Variants in DMD observed in about 807,000 individuals in gnomAD.
DMD encodes mutant dystrophin.
A neutral mutation model predicts 330.1 loss-of-function variants in DMD; 63 were observed. That is an observed-to-expected ratio of 0.19 (90% CI 0.16 to 0.24). DMD has a LOEUF of 0.24. Ranked by LOEUF, DMD falls within the 10% of genes least tolerant of loss-of-function variation. DMD has a pLI of 1.00. For synonymous variants in DMD, 1,223 were observed against 959.8 expected, an observed-to-expected ratio of 1.27 and a Z score of -5.07; for missense variants, 3,344 against 2,684.1, an observed-to-expected ratio of 1.25 and a Z score of -5.43.
chrX:32,531,745 C>A (rs3805065), intron 17 of DMD, among the ~76,000 whole-genome samples: 50,556 of 108,272 alleles, frequency 0.47, 9,017 homozygotes, highest in African/African-American at 0.61. Context: ...TCCAAATAAA[C>A]GAGAAACCCA....
chrX:32,738,270 T>C (rs970942585), intron 7 of DMD, among the ~76,000 whole-genome samples: 4 of 111,330 alleles, frequency 3.6e-5, no homozygotes, highest in African/African-American at 9.8e-5. Flanking sequence ...CTTGTTGCTT[T>C]TAAAATCATC....
At chrX:32,962,597 T>C (rs750037325) in intron 2 of DMD, among the ~76,000 whole-genome samples, 1 of 111,283 alleles carries the variant, frequency 9.0e-6, no homozygotes, top group Non-Finnish European at 1.9e-5. Flanking sequence ...CCAGGAGACA[T>C]GGGGTAGATT....
intron 52 of DMD, among the ~76,000 whole-genome samples, chrX:31,690,696 T>C (rs1039754764): frequency 9.8e-5 from 11 of 111,838 alleles, no homozygotes; most frequent in African/African-American, 3.3e-4. Context: ...CTATTCACAA[T>C]AGCAAAGACC....
intron 37 of DMD, among the ~76,000 whole-genome samples, chrX:32,356,526 T>G (rs757715646): frequency 1.4e-4 from 16 of 111,053 alleles, no homozygotes; most frequent in African/African-American, 5.2e-4. Flanking sequence ...TACATGAATT[T>G]TAGCAGCAAT....
upstream of DMD, among the ~76,000 whole-genome samples, chrX:33,216,087 A>C (rs2148869627): frequency 8.9e-6 from 1 of 112,326 alleles, no homozygotes; most frequent in East Asian, 2.8e-4. Context: ...GTTTGATAAG[A>C]TTAGCACTGA....
intron 49 of DMD, among the ~76,000 whole-genome samples, chrX:31,823,968 G>A (rs1254109899): frequency 8.9e-6 from 1 of 112,231 alleles, no homozygotes; most frequent in African/African-American, 3.2e-5. Flanking sequence ...GGACTAGGTT[G>A]TAACAAAGGG....
chrX:32,018,320 G>C (rs183299635), intron 44 of DMD, among the ~76,000 whole-genome samples: 1 of 111,682 alleles, frequency 9.0e-6, no homozygotes, highest in East Asian at 2.8e-4. Flanking sequence ...CTGTAAATTT[G>C]TATTAATCAT....
intron 2 of DMD, among the ~76,000 whole-genome samples, chrX:32,993,300 T>C (rs1363320088): frequency 8.9e-6 from 1 of 111,893 alleles, no homozygotes; most frequent in Non-Finnish European, 1.9e-5. Flanking sequence ...ATAACTGCCA[T>C]TAATGTAAAA....
chrX:32,063,334 C>T (rs979781698), intron 44 of DMD, among the ~76,000 whole-genome samples: 1 of 110,741 alleles, frequency 9.0e-6, no homozygotes, highest in Admixed American at 9.7e-5. Context: ...GTTTTGTCCC[C>T]CTCAACTGCT....
At chrX:31,930,845 A>C (rs2149995445) in intron 46 of DMD, among the ~76,000 whole-genome samples, 1 of 112,325 alleles carries the variant, frequency 8.9e-6, no homozygotes, top group South Asian at 3.7e-4. Context: ...GGGAAAGATA[A>C]ATTTCCAAGA....
At chrX:32,221,759 C>A (rs898508361) in intron 43 of DMD, among the ~76,000 whole-genome samples, 1 of 111,675 alleles carries the variant, frequency 9.0e-6, no homozygotes, top group Non-Finnish European at 1.9e-5. Context: ...CTCTGTCTGC[C>A]TTTGTGTACC....
intron 9 of DMD, among the ~76,000 whole-genome samples, chrX:32,677,774 A>C (rs768979581): frequency 3.8e-4 from 43 of 112,023 alleles, no homozygotes; most frequent in African/African-American, 1.4e-3. Context: ...AAAAGAGCAA[A>C]ATATCAGGAT....
intron 55 of DMD, among the ~76,000 whole-genome samples, chrX:31,575,146 G>T (rs1049187504): frequency 9.0e-6 from 1 of 111,553 alleles, no homozygotes; most frequent in Non-Finnish European, 1.9e-5. Flanking sequence ...TAATGAGGTG[G>T]ATTTGGCCAA....
intron 57 of DMD, among the ~76,000 whole-genome samples, chrX:31,479,708 T>C (rs1397152167): frequency 8.9e-6 from 1 of 112,383 alleles, no homozygotes; most frequent in Non-Finnish European, 1.9e-5. Flanking sequence ...CTATTATGGA[T>C]GTAGGAATTG....
chrX:32,239,317 CT>C (rs779496540), intron 43 of DMD, among the ~76,000 whole-genome samples: 5 of 111,709 alleles, frequency 4.5e-5, no homozygotes, highest in Non-Finnish European at 7.5e-5. Context: ...AATTTATCTT[CT>C]ACTTTTGAAC....
chrX:31,484,944 CAA>C (rs1569546608), intron 57 of DMD, among the ~76,000 whole-genome samples: 1 of 112,078 alleles, frequency 8.9e-6, no homozygotes, highest in Non-Finnish European at 1.9e-5. Flanking sequence ...TTCATCCATG[CAA>C]ATTGAGATAC....
rs768682567 is a variant in DMD at position 31,375,482 on chromosome X, CA to C, written c.9085-26849del. The stretch of plus-strand genomic sequence containing the variant: ...ATCTGTGAAAGGGAAAAAAGGTACA[CA>C]GTTGTTATTGAGAGTTGTGCTGGGA... On this transcript the variant is annotated intron_variant, in intron 60 of 78. Coordinates refer to ENST00000357033, the MANE Select transcript of DMD (RefSeq NM_004006.3). Among the ~76,000 whole-genome samples, 265 of 111,509 alleles carry C rather than the reference CA, an allele frequency of 2.4e-3. 1 individual carries two copies. Among genetic ancestry groups the C allele is most frequent in the Non-Finnish European group, 4.5e-3 (241 of 53,178 alleles).
At chrX:32,780,240 T>A (rs750819012) in intron 7 of DMD, among the ~76,000 whole-genome samples, 1 of 112,286 alleles carries the variant, frequency 8.9e-6, no homozygotes, top group South Asian at 3.7e-4. Flanking sequence ...TTACACAATC[T>A]CTCTACAACT....
At chrX:32,343,676 G>A (rs1434191682) in intron 39 of DMD, among the ~76,000 whole-genome samples, 1 of 111,221 alleles carries the variant, frequency 9.0e-6, no homozygotes, top group Non-Finnish European at 1.9e-5. Context: ...CTTAAAATAG[G>A]TAAAATTCTA....
Sources: allele counts gnomAD v4.1 joint callset (sites outside exome capture counted in the v4.1 genomes callset), GRCh38; gene constraint gnomAD v4.1.1; transcripts MANE v1.5; gene names NCBI Gene and HGNC (gene_info 2026-07-23, HGNC 2026-07-21).